ADGRL2: variants seen among roughly 807,000 people sequenced by gnomAD.
ADGRL2 encodes adhesion G protein-coupled receptor L2, also known as calcium-independent alpha-latrotoxin receptor 2.
In ADGRL2, 44 loss-of-function variants were observed where a neutral mutation model predicts 157.4. The observed-to-expected ratio is 0.28, with a 90% CI of 0.22 to 0.36. The LOEUF is 0.36. Among genes scored for constraint, ADGRL2 ranks in the 10% least tolerant of loss-of-function variants. The probability of loss-of-function intolerance (pLI) is 1.00; values close to 1 mark genes in which losing one functional copy is unlikely to be tolerated. For missense variants in ADGRL2, 1,510 were observed against 1,768.9 expected (o/e 0.85, Z 2.63); for synonymous variants, 585 against 624.7 (o/e 0.94, Z 0.95).
At chr1:81,878,039 G>A (rs1459170181) in intron 2 of ADGRL2, among the ~76,000 whole-genome samples, 2 of 152,130 alleles carry the variant, frequency 1.3e-5, no homozygotes, top group Non-Finnish European at 2.9e-5. Context: ...ATACTATGCA[G>A]TTGTAATGAA....
At chr1:81,476,177 AAAAG>A (rs1451063097) in intron 2 of ADGRL2, among the ~76,000 whole-genome samples, 4 of 152,154 alleles carry the variant, frequency 2.6e-5, no homozygotes, top group South Asian at 2.1e-4. Flanking sequence ...GAGAGAAAGA[AAAAG>A]AAAAAAAGGA....
chr1:81,543,128 A>T (rs2079927576), intron 2 of ADGRL2, among the ~76,000 whole-genome samples: 1 of 151,936 alleles, frequency 6.6e-6, no homozygotes, highest in Non-Finnish European at 1.5e-5. Flanking sequence ...TAATGTGACT[A>T]TAGGACCCTG....
intron 2 of ADGRL2, among the ~76,000 whole-genome samples, chr1:81,518,362 A>G (rs2079230691): frequency 6.6e-6 from 1 of 152,208 alleles, no homozygotes; most frequent in Non-Finnish European, 1.5e-5. Context: ...TCCAAACCAC[A>G]AAATAGATAA....
intron 1 of ADGRL2, among the ~76,000 whole-genome samples, chr1:81,702,488 G>C (rs955336564): frequency 6.6e-6 from 1 of 152,144 alleles, no homozygotes; most frequent in African/African-American, 2.4e-5. Context: ...ATCCAGGATG[G>C]TGAAAGAACT....
intron 22 of ADGRL2, 78 bp downstream of exon 22, chr1:81,987,107 T>C (rs1033259641): frequency 6.0e-6 from 9 of 1,510,984 alleles, no homozygotes; most frequent in Middle Eastern, 1.7e-4. Flanking sequence ...TTCTAAAATA[T>C]TCAAGTTGTC....
At chr1:81,827,085 A>G (rs1225686513) in intron 1 of ADGRL2, among the ~76,000 whole-genome samples, 4 of 152,214 alleles carry the variant, frequency 2.6e-5, no homozygotes, top group Non-Finnish European at 5.9e-5. Context: ...GGGAGTCCGC[A>G]TATAGGGAAT....
chr1:81,854,822 T>C (rs1280884082), intron 2 of ADGRL2, among the ~76,000 whole-genome samples: 1 of 152,088 alleles, frequency 6.6e-6, no homozygotes, highest in African/African-American at 2.4e-5. Context: ...ATATTGCCAC[T>C]AAGAAATGGG....
chr1:81,871,579 C>T lies in ADGRL2; in HGVS notation c.73+34522C>T, dbSNP rs60496596. 3.4e-3 allele frequency among the ~76,000 whole-genome samples: 516 copies of T among 152,282 alleles called. 8 individuals are homozygous for T. The highest frequency in any genetic ancestry group is 0.033 in the South Asian group (160 of 4,828). On this transcript the variant is annotated intron_variant, in intron 2 of 23. Coordinates refer to ENST00000686636, the MANE Select transcript of ADGRL2 (RefSeq NM_001366006.2). ...GTGTAAAAGTGATCCTATTTCTCCA[C>T]ATCCTCTCCAGCACCTGTTGTTTCC... is the stretch of plus-strand genomic sequence containing the variant.
chr1:81,695,576 T>A (rs2083425820), upstream of ADGRL2, among the ~76,000 whole-genome samples: 2 of 152,116 alleles, frequency 1.3e-5, no homozygotes, highest in South Asian at 4.1e-4. Flanking sequence ...TCCCAGCACT[T>A]TGGGAGACCA....
At chr1:81,360,465 T>C (rs1357074717) in intron 1 of ADGRL2, among the ~76,000 whole-genome samples, 1 of 152,026 alleles carries the variant, frequency 6.6e-6, no homozygotes, top group Non-Finnish European at 1.5e-5. Flanking sequence ...ATAATGTGTA[T>C]GCTCCTGGAA....
intron 1 of ADGRL2, among the ~76,000 whole-genome samples, chr1:81,337,207 C>G (rs1277639544): frequency 6.6e-6 from 1 of 152,182 alleles, no homozygotes; most frequent in Non-Finnish European, 1.5e-5. Context: ...CAACCTGATT[C>G]TTCCTAGATG....
intron 2 of ADGRL2, among the ~76,000 whole-genome samples, chr1:81,901,859 A>G (rs2094493860): frequency 6.6e-6 from 1 of 152,206 alleles, no homozygotes; most frequent in Non-Finnish European, 1.5e-5. Flanking sequence ...AGAAGGCACA[A>G]CAATTTATAT....
chr1:81,876,098 T>G (rs2093832983), intron 2 of ADGRL2, among the ~76,000 whole-genome samples: 1 of 152,186 alleles, frequency 6.6e-6, no homozygotes, highest in Admixed American at 6.5e-5. Context: ...TTACCATATT[T>G]GAGCTAATTT....
intron 1 of ADGRL2, among the ~76,000 whole-genome samples, chr1:81,719,818 C>T (rs542643846): frequency 1.3e-5 from 2 of 152,040 alleles, no homozygotes; most frequent in South Asian, 2.1e-4. Flanking sequence ...TGACTCAGAG[C>T]GTTTTTTGAA....
chr1:81,674,847 C>T (rs1417820784), intron 3 of ADGRL2, among the ~76,000 whole-genome samples: 1 of 152,126 alleles, frequency 6.6e-6, no homozygotes, highest in African/African-American at 2.4e-5. Flanking sequence ...TACCATTTTG[C>T]TTGATCTACA....
At chr1:81,382,677 C>A (rs2076363401) in intron 1 of ADGRL2, among the ~76,000 whole-genome samples, 1 of 152,130 alleles carries the variant, frequency 6.6e-6, no homozygotes, top group Non-Finnish European at 1.5e-5. Flanking sequence ...CCTGGTTCCA[C>A]CGCCTGAGCT....
At chr1:81,417,754 C>T (rs2077057110) in intron 1 of ADGRL2, among the ~76,000 whole-genome samples, 1 of 152,138 alleles carries the variant, frequency 6.6e-6, no homozygotes, top group Admixed American at 6.5e-5. Context: ...ATTTCTTTAA[C>T]AAGATTTGAT....
chr1:81,721,858 G>GA (rs34940033), intron 1 of ADGRL2: 7,875 of 692,956 alleles, frequency 0.011, 12 homozygotes, highest in African/African-American at 0.021. Context: ...ATACCAAGGG[G>GA]AAAAAAAAAA....
At chr1:81,397,883 T>C (rs540488900) in intron 1 of ADGRL2, among the ~76,000 whole-genome samples, 7 of 152,328 alleles carry the variant, frequency 4.6e-5, no homozygotes, top group African/African-American at 1.7e-4. Context: ...TTTTTTCGTC[T>C]AGATAATCTG....
Sources: allele counts gnomAD v4.1 joint callset (sites outside exome capture counted in the v4.1 genomes callset), GRCh38; gene constraint gnomAD v4.1.1; transcripts MANE v1.5; gene names NCBI Gene and HGNC (gene_info 2026-07-23, HGNC 2026-07-21).